Variants in SMG5 observed in about 807,000 individuals in gnomAD.
SMG5 encodes nonsense-mediated mRNA decay factor SMG5.
In SMG5, 53 loss-of-function variants were observed where a neutral mutation model predicts 122.9. The ratio of observed to expected loss-of-function variants is 0.43; its 90% CI spans 0.35 to 0.54. SMG5 has a LOEUF of 0.54. SMG5 is among the 20% of genes least tolerant of loss of function. The probability of loss-of-function intolerance (pLI) is 0.01; values close to 1 mark genes in which losing one functional copy is unlikely to be tolerated. For missense variants in SMG5, 1,153 were observed against 1,285.6 expected (o/e 0.90, Z 1.58); for synonymous variants, 477 against 490.2 (o/e 0.97, Z 0.35).
At chr1:156,290,110 T>C in the SMG5 span, 10 of 152,350 alleles carry the variant, frequency 6.6e-5, no homozygotes, top group African/African-American at 2.4e-4. Context: ...GAGAAAACCA[T>C]TTTTATATTG....
intron 7 of SMG5, among the ~76,000 whole-genome samples, chr1:156,271,765 G>T (rs905324865): frequency 6.6e-6 from 1 of 151,826 alleles, no homozygotes; most frequent in Non-Finnish European, 1.5e-5. Context: ...GCTGATTTTT[G>T]TATTTTTAGT....
At chr1:156,260,339 C>T in intron 15 of SMG5, 112 bp downstream of exon 15, 1 of 1,278,934 alleles carries the variant, frequency 7.8e-7, no homozygotes, top group Non-Finnish European at 1.1e-6. Context: ...AGGACACTGT[C>T]CCTGTCTGAG....
intron 16 of SMG5, chr1:156,253,793 C>G (rs1184122677): frequency 4.3e-6 from 2 of 466,052 alleles, no homozygotes; most frequent in East Asian, 4.1e-5. Context: ...CATCACCTGG[C>G]TGTGCCTCAG....
At position 156,274,695 on chromosome 1, in the gene SMG5, C is replaced by T. The variant is rs772637132; in HGVS notation, c.455-9G>A. On this transcript the variant is annotated splice_polypyrimidine_tract_variant and intron_variant, in intron 4 of 21. Transcript: ENST00000361813. ...CACTGGCTTCTTGCATCCTATGAGA[C>T]AAAGAGAAAGAGATTTGTAGGCCCA... The T allele has an allele frequency of 7.4e-6, 12 of 1,612,476 alleles. No individual in the cohort carries two copies. The highest frequency in any genetic ancestry group is 1.0e-5 in the Non-Finnish European group (12 of 1,178,676).
chr1:156,273,547 G>T, intron 5 of SMG5, 97 bp from the exon 6 acceptor site: 1 of 1,168,852 alleles, frequency 8.6e-7, no homozygotes, highest in Non-Finnish European at 1.2e-6. Context: ...GGTAACAAGA[G>T]CCTGGAAGGA....
At chr1:156,255,413 C>T (rs986602153) in intron 16 of SMG5, among the ~76,000 whole-genome samples, 2 of 152,064 alleles carry the variant, frequency 1.3e-5, no homozygotes, top group Non-Finnish European at 1.5e-5. Context: ...GTGGCGAGCA[C>T]CTGTAATCCC....
At chr1:156,271,309 G>C (rs900045559) in intron 7 of SMG5, among the ~76,000 whole-genome samples, 1 of 152,158 alleles carries the variant, frequency 6.6e-6, no homozygotes, top group Non-Finnish European at 1.5e-5. Context: ...AAGCTATGAA[G>C]ACCACCCTAC....
At chr1:156,286,367 C>T (rs772406094), upstream of SMG5, 4 of 1,614,094 alleles carry the variant, frequency 2.5e-6, no homozygotes, top group Non-Finnish European at 3.4e-6. Context: ...CCAGTCGGTC[C>T]AGCTCTTTAT....
At chr1:156,283,022 A>G (rs1663042635), upstream of SMG5, 1 of 492,044 alleles carries the variant, frequency 2.0e-6, no homozygotes, top group South Asian at 3.5e-5. Context: ...GAGAACGGAC[A>G]GTGTACCCAC....
chr1:156,259,145 A>G lies in SMG5; in HGVS notation c.2302T>C (p.Cys768Arg), dbSNP rs1451461478. The G allele has an allele frequency of 1.9e-6, 3 of 1,591,654 alleles. No homozygotes were observed. Among genetic ancestry groups the G allele is most frequent in the Non-Finnish European group, 2.6e-6 (3 of 1,169,150 alleles). Residue 768 changes from cysteine (C) to arginine (R), a missense_variant, in exon 16 of 22, where the codon TGC becomes CGC. This residue lies in a region of SMG5 where 631 missense variants were observed against 650.6 expected (regional missense o/e 0.97). Transcript: ENST00000361813. ...TLEESVVRIC[C>R]IRSFGHFIAR... ...ATGAAATGACCAAAGCTGCGGATGC[A>G]GCAGATGCGCACCACTGACTGTGGG...
upstream of SMG5, chr1:156,285,070 A>C (rs1663110480): frequency 1.2e-6 from 1 of 828,030 alleles, no homozygotes; most frequent in African/African-American, 1.8e-5. Context: ...CTAAGGCTCC[A>C]GAAGGGGCCA....
chr1:156,263,224 A>G (rs1004294832), intron 13 of SMG5, among the ~76,000 whole-genome samples, 171 bp downstream of exon 13: 2 of 152,262 alleles, frequency 1.3e-5, no homozygotes, highest in African/African-American at 4.8e-5. Context: ...GGCCAAGATC[A>G]TGCCTAATCC....
chr1:156,271,034 C>T (rs1044807474), intron 7 of SMG5, among the ~76,000 whole-genome samples: 5 of 151,168 alleles, frequency 3.3e-5, no homozygotes, highest in Admixed American at 1.3e-4. Context: ...AAAAGAAATG[C>T]GAAAGATACA....
Position 156,263,612 on chromosome 1 carries a change from C to T in SMG5, c.1856-42G>A, listed in dbSNP as rs768209959. 8.8e-6 allele frequency: 14 copies of T among 1,596,396 alleles called. No individual in the cohort carries two copies. The South Asian group carries it at 1.0e-4, about 12-fold the overall frequency. On this transcript the variant is annotated intron_variant, in intron 12 of 21. Coordinates refer to ENST00000361813, the MANE Select transcript of SMG5 (RefSeq NM_015327.3). The stretch of plus-strand genomic sequence containing the variant: ...TGGAAGAGAAAAAAACTGGGATAAA[C>T]AACTGACACTTGGGAACAGGCCTCA...
intron 21 of SMG5, 69 bp from the exon 22 acceptor site, chr1:156,250,739 G>T (rs1410931918): frequency 2.5e-6 from 4 of 1,601,084 alleles, no homozygotes; most frequent in South Asian, 2.2e-5. Context: ...TTGTTGAGGC[G>T]CTGGGGAAGG....
At chr1:156,269,064 G>A (rs985164242) in intron 7 of SMG5, among the ~76,000 whole-genome samples, 3 of 151,804 alleles carry the variant, frequency 2.0e-5, no homozygotes, top group Admixed American at 6.6e-5. Context: ...TCCGCCTCCC[G>A]GGTTCAAGCG....
At chr1:156,254,703 C>T (rs1661501004) in intron 16 of SMG5, among the ~76,000 whole-genome samples, 1 of 152,148 alleles carries the variant, frequency 6.6e-6, no homozygotes, top group Non-Finnish European at 1.5e-5. Flanking sequence ...CCTTGGCCTC[C>T]CAAAGTGCTG....
rs1662365263 is a variant in SMG5 at position 156,270,609 on chromosome 1, C to T, written c.713+1711G>A. 4.6e-5 allele frequency among the ~76,000 whole-genome samples: 7 copies of T among 152,302 alleles called. No individual in the cohort carries two copies. In the South Asian group the frequency reaches 1.5e-3, roughly 32 times the overall value. On this transcript the variant is annotated intron_variant, in intron 7 of 21. Coordinates refer to ENST00000361813, the MANE Select transcript of SMG5 (RefSeq NM_015327.3). ...TGGGCACCTCCCAAACTTGGATATA[C>T]CTGGCTCTCTTTTGGAACTGACCCA...
chr1:156,291,461 C>G, the SMG5 span: 2 of 1,613,858 alleles, frequency 1.2e-6, no homozygotes, highest in Admixed American at 3.3e-5. Flanking sequence ...TCTGCCACTG[C>G]TGTCGATGCT....
Sources: allele counts gnomAD v4.1 joint callset (sites outside exome capture counted in the v4.1 genomes callset), GRCh38; gene constraint gnomAD v4.1.1; regional missense constraint gnomAD v4.1.1; transcripts MANE v1.5; gene names NCBI Gene and HGNC (gene_info 2026-07-23, HGNC 2026-07-21).